The following OR10J1 variants were observed in gnomAD, a reference collection of about 807,000 sequenced individuals.
OR10J1 encodes olfactory receptor 10J1.
For synonymous variants in OR10J1, 202 were observed against 143.8 expected (o/e 1.40, Z -2.89); for missense variants, 474 against 376.6 (o/e 1.26, Z -2.14).
upstream of OR10J1, chr1:159,439,663 A>T: frequency 8.9e-7 from 1 of 1,121,088 alleles, no homozygotes; most frequent in Non-Finnish European, 1.3e-6. Flanking sequence ...TTAATCCACT[A>T]GGAAATACAT....
At chr1:159,400,853 T>G in the OR10J1 span, among the ~76,000 whole-genome samples, 1 of 151,944 alleles carries the variant, frequency 6.6e-6, no homozygotes, top group African/African-American at 2.4e-5. Flanking sequence ...TTCTGAAGGA[T>G]AGACTATATA....
rs920387093 is a variant in OR10J1 at position 159,440,256 on chromosome 1, A to T, written c.465A>T (p.Val155=). 2.5e-6 allele frequency: 4 copies of T among 1,614,170 alleles called. No homozygotes were observed. The highest frequency in any genetic ancestry group is 3.4e-6 in the Non-Finnish European group (4 of 1,180,002). Residue 155 remains valine, a synonymous_variant, in exon 1 of 1, where the codon GTA becomes GTT. Transcript: ENST00000423932. ...VLGACSIGLI[V]AITQVTSVFR... is the part of the protein sequence containing the mutation. ...GGGCCTGCAGCATTGGGCTGATTGT[A>T]GCAATAACGCAAGTGACATCTGTAT...
the OR10J1 span, among the ~76,000 whole-genome samples, chr1:159,430,597 C>T: frequency 6.6e-6 from 1 of 150,658 alleles, no homozygotes; most frequent in Non-Finnish European, 1.5e-5. Flanking sequence ...ATGACAACAA[C>T]CATCCATGAA....
At chr1:159,434,175 C>A (rs1439370735), upstream of OR10J1, among the ~76,000 whole-genome samples, 6 of 152,046 alleles carry the variant, frequency 3.9e-5, no homozygotes. Flanking sequence ...TAAGTTAATT[C>A]CTCAAGGCAG....
At chr1:159,430,416 T>C in the OR10J1 span, among the ~76,000 whole-genome samples, 1 of 152,104 alleles carries the variant, frequency 6.6e-6, no homozygotes, top group Non-Finnish European at 1.5e-5. Context: ...AGAGAGGTGA[T>C]AACTGTTTCC....
chr1:159,414,808 G>C, the OR10J1 span, among the ~76,000 whole-genome samples: 1 of 152,002 alleles, frequency 6.6e-6, no homozygotes, highest in African/African-American at 2.4e-5. Context: ...TTGTGGTTTT[G>C]ATTTGAATTT....
At chr1:159,416,882 A>T in the OR10J1 span, among the ~76,000 whole-genome samples, 1 of 151,954 alleles carries the variant, frequency 6.6e-6, no homozygotes, top group East Asian at 1.9e-4. Flanking sequence ...TGCTCATAAT[A>T]GTCTCCAATA....
chr1:159,400,327 A>G, the OR10J1 span, among the ~76,000 whole-genome samples: 1 of 151,886 alleles, frequency 6.6e-6, no homozygotes. Flanking sequence ...CTTTGCCTAC[A>G]AAAAACACTT....
In OR10J1 at chr1:159,440,418, T is replaced by G. The variant is rs1310743656; in HGVS notation, c.627T>G (p.Pro209=). The change falls in exon 1 of 1, where the codon CCT becomes CCG. Residue 209 remains proline, a synonymous_variant. Transcript: ENST00000423932. The part of the protein sequence containing the change: ...LIISVLVLVV[P]MGLVFISYVL... ...TCAGTGTGCTGGTGCTTGTTGTACC[T>G]ATGGGTCTGGTTTTCATTTCTTATG... is the stretch of plus-strand genomic sequence containing the variant. 4.1e-5 allele frequency: 66 copies of G among 1,614,058 alleles called. No homozygotes were observed. The highest frequency in any genetic ancestry group is 4.8e-5 in the Non-Finnish European group (57 of 1,180,022).
At chr1:159,423,844 T>A in the OR10J1 span, among the ~76,000 whole-genome samples, 1 of 152,196 alleles carries the variant, frequency 6.6e-6, no homozygotes. Flanking sequence ...TGCCATTGTA[T>A]TGCTGTCAAT....
At chr1:159,398,413 G>A in the OR10J1 span, among the ~76,000 whole-genome samples, 1 of 152,078 alleles carries the variant, frequency 6.6e-6, no homozygotes, top group African/African-American at 2.4e-5. Context: ...ACTAAATAAG[G>A]CACTAGGGAC....
At chr1:159,407,051 T>C in the OR10J1 span, among the ~76,000 whole-genome samples, 1 of 152,084 alleles carries the variant, frequency 6.6e-6, no homozygotes, top group Non-Finnish European at 1.5e-5. Flanking sequence ...ATTTCTGCAA[T>C]AGAAAACTTT....
the OR10J1 span, among the ~76,000 whole-genome samples, chr1:159,429,575 G>A: frequency 6.6e-6 from 1 of 152,212 alleles, no homozygotes; most frequent in Non-Finnish European, 1.5e-5. Flanking sequence ...AGTACTAGTT[G>A]TATGATTGTT....
At chr1:159,439,646 G>T (rs77527029), upstream of OR10J1, 1,312 of 939,336 alleles carry the variant, frequency 1.4e-3, 15 homozygotes, top group African/African-American at 0.017. Context: ...TAAACCCAGG[G>T]ATTAACTTAA....
At chr1:159,398,165 C>T in the OR10J1 span, among the ~76,000 whole-genome samples, 3 of 152,210 alleles carry the variant, frequency 2.0e-5, no homozygotes, top group Non-Finnish European at 4.4e-5. Flanking sequence ...ACCATAGCAA[C>T]AGTCTGCAAG....
At chr1:159,422,426 G>A in the OR10J1 span, among the ~76,000 whole-genome samples, 2 of 152,178 alleles carry the variant, frequency 1.3e-5, no homozygotes, top group African/African-American at 4.8e-5. Context: ...AGCCTGCAAT[G>A]GAGGCAGCTG....
upstream of OR10J1, chr1:159,433,220 T>A: frequency 2.5e-6 from 1 of 397,292 alleles, no homozygotes; most frequent in Non-Finnish European, 4.4e-6. Flanking sequence ...TGAGAGATAC[T>A]GTGAAAGCAC....
the OR10J1 span, chr1:159,406,011 C>A: frequency 1.4e-5 from 6 of 438,418 alleles, no homozygotes; most frequent in East Asian, 2.4e-4. Flanking sequence ...GCAATCATAT[C>A]CCATGGCTAT....
chr1:159,421,235 A>T, the OR10J1 span, among the ~76,000 whole-genome samples: 1 of 151,840 alleles, frequency 6.6e-6, no homozygotes, highest in Non-Finnish European at 1.5e-5. Flanking sequence ...TCAATTTTAG[A>T]ATTTCTGTTA....
Sources: gnomAD v4.1 joint callset for allele counts (sites outside exome capture counted in the v4.1 genomes callset) on GRCh38, gnomAD v4.1.1 for gene constraint, MANE v1.5 for transcripts, NCBI Gene and HGNC (gene_info 2026-07-23, HGNC 2026-07-21) for gene names.